The following PCDHGB2 variants were observed in gnomAD, a reference collection of about 807,000 sequenced individuals.
The protein encoded by PCDHGB2 is protocadherin gamma-B2.
Under a neutral mutation model 59.3 loss-of-function variants are expected in PCDHGB2, and 55 were observed. That is an observed-to-expected ratio of 0.93 (90% CI 0.75 to 1.16). The LOEUF (loss-of-function observed/expected upper bound fraction) is 1.16, where lower values mean the gene tolerates loss of function less well. Ranked by LOEUF, PCDHGB2 falls within the 50% of genes most tolerant of loss-of-function variation. PCDHGB2 has a pLI of 0.00. For synonymous variants in PCDHGB2, 516 were observed against 512.0 expected (o/e 1.01, Z -0.11); for missense variants, 1,228 against 1,198.5 (o/e 1.02, Z -0.36).
chr5:141,494,778 CA>C (rs1228639033), intron 1 of PCDHGB2, 28 bp from the exon 2 acceptor site: 1 of 1,614,086 alleles, frequency 6.2e-7, no homozygotes, highest in Admixed American at 1.7e-5. Flanking sequence ...CACGGGTACT[CA>C]GCCCCTTTCC....
chr5:141,402,394 G>T (rs928311359), intron 1 of PCDHGB2, among the ~76,000 whole-genome samples: 5 of 151,852 alleles, frequency 3.3e-5, no homozygotes, highest in Non-Finnish European at 7.4e-5. Context: ...AATTACTTCA[G>T]AAAATTGTTA....
At chr5:141,374,200 G>A (rs372035857) in intron 1 of PCDHGB2, 17 of 1,613,778 alleles carry the variant, frequency 1.1e-5, no homozygotes, top group African/African-American at 2.7e-5. Context: ...CCGAGGAGCT[G>A]GAGAAAGGCT....
intron 1 of PCDHGB2, chr5:141,413,835 C>T (rs762735722): frequency 1.9e-6 from 3 of 1,613,258 alleles, no homozygotes. Context: ...CCGCCTCCGA[C>T]GGGGGTGACC....
intron 1 of PCDHGB2, among the ~76,000 whole-genome samples, chr5:141,466,036 G>C (rs981390655): frequency 1.3e-5 from 2 of 152,064 alleles, no homozygotes; most frequent in Non-Finnish European, 2.9e-5. Context: ...GCAGGAGAAC[G>C]GCATGAACCC....
intron 1 of PCDHGB2, chr5:141,375,745 C>T (rs753247365): frequency 2.5e-6 from 4 of 1,614,238 alleles, no homozygotes; most frequent in Admixed American, 3.3e-5. Context: ...TTGTGCTGGA[C>T]CAGAATGACA....
chr5:141,439,790 C>G (rs2098131627), intron 1 of PCDHGB2: 2 of 152,248 alleles, frequency 1.3e-5, no homozygotes, highest in Non-Finnish European at 2.9e-5. Flanking sequence ...TTCTATAATC[C>G]AAGAAGAGTT....
At chr5:141,405,094 C>T (rs1289372327) in intron 1 of PCDHGB2, 4 of 1,613,840 alleles carry the variant, frequency 2.5e-6, no homozygotes, top group Non-Finnish European at 3.4e-6. Flanking sequence ...TGCTGGCCCT[C>T]AGGCTGAGGC....
intron 1 of PCDHGB2, chr5:141,478,106 G>T: frequency 6.2e-7 from 1 of 1,614,046 alleles, no homozygotes; most frequent in Non-Finnish European, 8.5e-7. Flanking sequence ...TACCCTCACT[G>T]TGTCAGTAAC....
chr5:141,447,299 C>A (rs543731556), intron 1 of PCDHGB2, among the ~76,000 whole-genome samples: 38 of 152,102 alleles, frequency 2.5e-4, no homozygotes, highest in Middle Eastern at 6.8e-3. Context: ...GCCACCACAC[C>A]CGGCTAATTT....
At position 141,361,919 on chromosome 5, in the gene PCDHGB2, A is replaced by T. The variant is rs947072299; in HGVS notation, c.1784A>T (p.Asp595Val). The T allele has an allele frequency of 6.0e-5, 97 of 1,607,890 alleles. No individual in the cohort carries two copies. Among genetic ancestry groups the T allele is most frequent in the Non-Finnish European group, 7.7e-5 (91 of 1,179,054 alleles). The change falls in exon 1 of 4, where the codon GAC (aspartate) becomes GTC (valine). Residue 595 changes from aspartate to valine, a missense_variant. Around this residue, in one of 3 missense-constraint regions of PCDHGB2, gnomAD observed 433 missense variants for 441.8 expected, o/e 0.98. Transcript: ENST00000522605. ...CTGGTGACCAAGGTGGTGGCGGTGGACGCAGACTCAGGACACAACGCTTGG... is the reference window on the plus strand; with the variant it reads ...CTGGTGACCAAGGTGGTGGCGGTGGTCGCAGACTCAGGACACAACGCTTGG... ...GYLVTKVVAV[D>V]ADSGHNAWLS... is the part of the protein sequence containing the mutation.
intron 1 of PCDHGB2, chr5:141,371,219 C>G: frequency 6.2e-7 from 1 of 1,613,954 alleles, no homozygotes. Context: ...GCATCAATGC[C>G]GAAATCATCT....
intron 2 of PCDHGB2, among the ~76,000 whole-genome samples, chr5:141,499,256 A>G (rs371266271): frequency 6.6e-6 from 1 of 151,968 alleles, no homozygotes; most frequent in Non-Finnish European, 1.5e-5. Context: ...AAGAGTCTCC[A>G]TTTGGTCCCT....
Position 141,399,437 on chromosome 5 carries a change from A to T in PCDHGB2, c.2421+36881A>T, listed in dbSNP as rs780100815. The stretch of plus-strand genomic sequence containing the variant: ...TCCTCCAGCATAAGCGTCATCCTAC[A>T]TATCAGAGACGTCAACGATAACGCT... On this transcript the variant is annotated intron_variant, in intron 1 of 3. Coordinates refer to ENST00000522605, the MANE Select transcript of PCDHGB2 (RefSeq NM_018923.3). 22 of 1,613,998 alleles carry T rather than the reference A, an allele frequency of 1.4e-5. No individual in the cohort carries two copies. The South Asian group carries it at 2.2e-4, about 16-fold the overall frequency.
chr5:141,487,006 G>A lies in PCDHGB2; in HGVS notation c.2422-7801G>A. ...ATGCTTGGGTTTCCTATCAGCTCCT[G>A]GAGGCCCCAGATCCCAGCCTGTTTG... On this transcript the variant is annotated intron_variant, in intron 1 of 3. Transcript: ENST00000522605. This position sits in a 1 kb window ranked among gnomAD's most constrained non-coding sequence, Gnocchi z 5.0. 1 of 1,614,206 alleles carries A rather than the reference G, an allele frequency of 6.2e-7. No homozygotes were observed. The highest frequency in any genetic ancestry group is 8.5e-7 in the Non-Finnish European group (1 of 1,180,042).
intron 1 of PCDHGB2, chr5:141,427,984 C>T (rs754620535): frequency 1.9e-6 from 3 of 1,597,494 alleles, no homozygotes; most frequent in South Asian, 1.1e-5. Context: ...GCGCTGGGGC[C>T]CGATGGCTCC....
At chr5:141,496,733 C>T (rs1221912777) in intron 2 of PCDHGB2, among the ~76,000 whole-genome samples, 12 of 152,138 alleles carry the variant, frequency 7.9e-5, no homozygotes, top group African/African-American at 9.7e-5. Context: ...TGTATTCATT[C>T]GTTCATTTAT....
chr5:141,384,623 T>C (rs906239388), intron 1 of PCDHGB2: 7 of 1,614,092 alleles, frequency 4.3e-6, no homozygotes, highest in African/African-American at 1.3e-5. Flanking sequence ...TCTACTGGCA[T>C]GGAGCTGGCA....
At chr5:141,394,592 G>T (rs754585576) in intron 1 of PCDHGB2, 1 of 1,613,760 alleles carries the variant, frequency 6.2e-7, no homozygotes, top group Non-Finnish European at 8.5e-7. Flanking sequence ...AGGTGGTGGC[G>T]GTGGACAGAG....
intron 1 of PCDHGB2, among the ~76,000 whole-genome samples, chr5:141,381,953 C>T (rs1588910432): frequency 1.3e-5 from 2 of 151,114 alleles, no homozygotes; most frequent in South Asian, 2.1e-4. Context: ...CCTCAGCCTC[C>T]TGAGTAGCTG....
Sources: gnomAD v4.1 joint callset for allele counts (sites outside exome capture counted in the v4.1 genomes callset) on GRCh38, gnomAD v4.1.1 for gene constraint, gnomAD v4.1.1 regional missense constraint, Gnocchi (gnomAD v3.1) non-coding constraint, MANE v1.5 for transcripts, NCBI Gene and HGNC (gene_info 2026-07-23, HGNC 2026-07-21) for gene names.